The following LPP variants were observed in gnomAD, a reference collection of about 807,000 sequenced individuals.
The protein encoded by LPP is LIM domain containing preferred translocation partner in lipoma, also known as lipoma-preferred partner.
A neutral mutation model predicts 60.4 loss-of-function variants in LPP; 38 were observed. The observed-to-expected ratio is 0.63, with a 90% CI of 0.49 to 0.83. The LOEUF is 0.83. Ranked by LOEUF, LPP falls within the 40% of genes least tolerant of loss-of-function variation. The probability of loss-of-function intolerance (pLI) is 0.00; values close to 1 mark genes in which losing one functional copy is unlikely to be tolerated. For missense variants in LPP, 902 were observed against 783.6 expected, an observed-to-expected ratio of 1.15 and a Z score of -1.80; for synonymous variants, 328 against 290.8, an observed-to-expected ratio of 1.13 and a Z score of -1.30.
intron 2 of LPP, among the ~76,000 whole-genome samples, chr3:188,323,749 A>G (rs1484181728): frequency 6.6e-6 from 1 of 152,222 alleles, no homozygotes; most frequent in Non-Finnish European, 1.5e-5. Flanking sequence ...ATTTAGTCAG[A>G]TTAAAAGGGA....
At chr3:188,380,274 A>T (rs1210602553) in intron 3 of LPP, among the ~76,000 whole-genome samples, 2 of 152,240 alleles carry the variant, frequency 1.3e-5, no homozygotes, top group Non-Finnish European at 2.9e-5. Flanking sequence ...ATTAAACTCG[A>T]TAGATTATAG....
chr3:188,594,827 AGCAAAATATCTGTATT>A (rs1194280604), intron 6 of LPP, among the ~76,000 whole-genome samples: 1 of 152,184 alleles, frequency 6.6e-6, no homozygotes, highest in Non-Finnish European at 1.5e-5. Flanking sequence ...GAGAAAAAAG[AGCAAAATATCTGTATT>A]GACACCACTC....
rs1719921244 is a variant in LPP, at chr3:188,730,167, T to C, written c.1240+21774T>C. Among the ~76,000 whole-genome samples, 3 of 152,368 alleles carry C rather than the reference T, an allele frequency of 2.0e-5. No individual in the cohort carries two copies. The South Asian group carries it at 6.2e-4, about 32-fold the overall frequency. The stretch of plus-strand genomic sequence containing the variant: ...ATGTGCATATGTGCATTGTTTGTGC[T>C]GGTCCCACCTTCAAGGAGAAAATAT... On this transcript the variant is annotated intron_variant, in intron 8 of 11. Coordinates refer to ENST00000617246, the MANE Select transcript of LPP (RefSeq NM_001375462.1).
intron 2 of LPP, among the ~76,000 whole-genome samples, chr3:188,291,687 C>A (rs1293489655): frequency 2.0e-5 from 3 of 150,664 alleles, no homozygotes; most frequent in African/African-American, 7.3e-5. Context: ...TAAGATGATA[C>A]CTTACCTTGT....
chr3:188,238,893 A>T (rs80071698), intron 2 of LPP, among the ~76,000 whole-genome samples: 1 of 152,354 alleles, frequency 6.6e-6, no homozygotes, highest in East Asian at 1.9e-4. Context: ...TTCTATTTGT[A>T]AAAAACACAG....
intron 7 of LPP, among the ~76,000 whole-genome samples, chr3:188,698,805 A>G (rs1429491770): frequency 6.6e-6 from 1 of 152,186 alleles, no homozygotes; most frequent in African/African-American, 2.4e-5. Context: ...ATAGTTGGAG[A>G]GGCAGCAAGG....
Position 188,820,026 on chromosome 3 carries a change from G to A in LPP, c.1411-46174G>A, listed in dbSNP as rs186585206. Among the ~76,000 whole-genome samples, 343 of 152,238 alleles carry A rather than the reference G, an allele frequency of 2.3e-3. 2 individuals are homozygous for A. Among genetic ancestry groups the A allele is most frequent in the African/African-American group, 8.0e-3 (332 of 41,550 alleles). ...TTTCAGAAGGTTACATAGTGTCTGT[G>A]ACTTCAGCTACACATGGATAATCCA... is the stretch of plus-strand genomic sequence containing the variant. On this transcript the variant is annotated intron_variant, in intron 9 of 11. Coordinates refer to ENST00000617246, the MANE Select transcript of LPP (RefSeq NM_001375462.1).
intron 6 of LPP, among the ~76,000 whole-genome samples, chr3:188,525,625 C>T (rs1820382849): frequency 6.6e-6 from 1 of 152,150 alleles, no homozygotes; most frequent in Non-Finnish European, 1.5e-5. Flanking sequence ...TTAAATAATG[C>T]TACAGGGGAC....
At chr3:188,841,898 C>T (rs145962754) in intron 9 of LPP, among the ~76,000 whole-genome samples, 35 of 152,172 alleles carry the variant, frequency 2.3e-4, no homozygotes, top group Non-Finnish European at 3.4e-4. Context: ...TGATTTTGTA[C>T]GCTGAGACTT....
chr3:188,661,748 C>G (rs1302305822), intron 7 of LPP, among the ~76,000 whole-genome samples: 1 of 152,190 alleles, frequency 6.6e-6, no homozygotes, highest in Non-Finnish European at 1.5e-5. Context: ...CTCATAAACG[C>G]TTGACAAAGA....
In LPP at chr3:188,669,913, C is replaced by T. The variant is rs540660660; in HGVS notation, c.1114-38354C>T. Reference sequence around the variant, plus strand: ...TGTGGCAAATATACACCGTGGAATACTAAGCAGCCATAAAAAAGGATGAGT... The same window carrying T: ...TGTGGCAAATATACACCGTGGAATATTAAGCAGCCATAAAAAAGGATGAGT... On this transcript the variant is annotated intron_variant, in intron 7 of 11. Transcript: ENST00000617246. Among the ~76,000 whole-genome samples, 72 of 152,296 alleles carry T rather than the reference C, an allele frequency of 4.7e-4. 2 individuals carry two copies. In the South Asian group the frequency reaches 0.014, roughly 30 times the overall value.
chr3:188,708,496 C>A, intron 8 of LPP, 103 bp downstream of exon 8: 1 of 1,490,464 alleles, frequency 6.7e-7, no homozygotes, highest in Non-Finnish European at 9.3e-7. Flanking sequence ...GTATTTGAGT[C>A]CAGATGCATG....
chr3:188,805,775 T>C (rs1395697841), intron 9 of LPP, among the ~76,000 whole-genome samples: 1 of 151,898 alleles, frequency 6.6e-6, no homozygotes, highest in Non-Finnish European at 1.5e-5. Context: ...AATTTTGATA[T>C]ATTGTGTTTT....
intron 8 of LPP, among the ~76,000 whole-genome samples, chr3:188,747,891 TC>T (rs2150273067): frequency 6.6e-6 from 1 of 152,324 alleles, no homozygotes; most frequent in African/African-American, 2.4e-5. Flanking sequence ...CTCATGGGTC[TC>T]CCTCTGAGCT....
At chr3:188,556,023 G>A (rs937202036) in intron 6 of LPP, among the ~76,000 whole-genome samples, 2 of 152,124 alleles carry the variant, frequency 1.3e-5, no homozygotes, top group Non-Finnish European at 2.9e-5. Context: ...CAGAAATGAA[G>A]TGAAAAATGT....
chr3:188,496,482 A>T (rs1810263476), intron 5 of LPP, among the ~76,000 whole-genome samples: 1 of 152,152 alleles, frequency 6.6e-6, no homozygotes, highest in Non-Finnish European at 1.5e-5. Flanking sequence ...TTGAACCTTT[A>T]GACAACTTCT....
At chr3:188,726,875 G>C (rs572014381) in intron 8 of LPP, among the ~76,000 whole-genome samples, 4 of 152,248 alleles carry the variant, frequency 2.6e-5, no homozygotes, top group Non-Finnish European at 4.4e-5. Flanking sequence ...GCTAAAAAAA[G>C]TAAATATCAA....
chr3:188,594,942 T>C (rs984865140), intron 6 of LPP, among the ~76,000 whole-genome samples: 2 of 152,296 alleles, frequency 1.3e-5, no homozygotes, highest in African/African-American at 4.8e-5. Context: ...TATCCTGTTA[T>C]TTTTCTGAAA....
chr3:188,300,585 C>T (rs1353376073), intron 2 of LPP, among the ~76,000 whole-genome samples: 1 of 151,216 alleles, frequency 6.6e-6, no homozygotes, highest in Non-Finnish European at 1.5e-5. Flanking sequence ...AAAGGTCAGA[C>T]CTGTAGAGTT....
Sources: gnomAD v4.1 joint callset for allele counts (sites outside exome capture counted in the v4.1 genomes callset) on GRCh38, gnomAD v4.1.1 for gene constraint, MANE v1.5 for transcripts, NCBI Gene and HGNC (gene_info 2026-07-23, HGNC 2026-07-21) for gene names.